The following RFX7 variants were observed in gnomAD, a reference collection of about 807,000 sequenced individuals.
RFX7 encodes the protein regulatory factor X7.
RFX7 carries 26 observed loss-of-function variants against 111.8 expected under a neutral mutation model. The observed-to-expected ratio is 0.23, with a 90% CI of 0.17 to 0.32. The LOEUF is 0.32. RFX7 is among the 10% of genes least tolerant of loss of function. The pLI is 1.00. For missense variants in RFX7, 1,573 were observed against 1,772.9 expected (o/e 0.89, Z 2.02); for synonymous variants, 624 against 624.4 (o/e 1.00, Z 0.01).
chr15:56,093,425 C>G lies in RFX7; in HGVS notation c.4303G>C (p.Glu1435Gln). The G allele has an allele frequency of 6.2e-7, 1 of 1,613,706 alleles. No homozygotes were observed. The highest frequency in any genetic ancestry group is 8.5e-7 in the Non-Finnish European group (1 of 1,179,732). ...NDPLFQQICS[E>Q]SMNSMTSSGF... ...GATGAAGTCATAGAATTCATGGATT[C>G]ACTGCAAATTTGTTGAAATAATGGG... is the stretch of plus-strand genomic sequence containing the variant. The change falls in exon 10 of 10, where the codon GAA (glutamate) becomes CAA (glutamine). Residue 1435 changes from glutamate (E) to glutamine (Q), a missense_variant. Coordinates refer to ENST00000559447, the MANE Select transcript of RFX7 (RefSeq NM_022841.7).
intron 2 of RFX7, among the ~76,000 whole-genome samples, chr15:56,213,466 C>T (rs1357125422): frequency 6.6e-6 from 1 of 152,154 alleles, no homozygotes; most frequent in Non-Finnish European, 1.5e-5. Context: ...ATCTACATAA[C>T]ATTCTTGAAG....
At chr15:56,193,748 A>C (rs1347793897) in intron 2 of RFX7, among the ~76,000 whole-genome samples, 1 of 152,218 alleles carries the variant, frequency 6.6e-6, no homozygotes, top group Non-Finnish European at 1.5e-5. Flanking sequence ...GCAATAAAGC[A>C]GATAAAAATT....
At chr15:56,134,794 G>A (rs867419535) in intron 5 of RFX7, among the ~76,000 whole-genome samples, 9 of 151,862 alleles carry the variant, frequency 5.9e-5, no homozygotes, top group Admixed American at 1.3e-4. Context: ...TCCCCAGAGC[G>A]TTATATTCCC....
At chr15:56,139,468 A>G (rs2042356544) in intron 5 of RFX7, among the ~76,000 whole-genome samples, 1 of 152,120 alleles carries the variant, frequency 6.6e-6, no homozygotes, top group Non-Finnish European at 1.5e-5. Flanking sequence ...CAGCTCCATC[A>G]GCTCCTTTAA....
At chr15:56,203,863 C>T (rs533328140) in intron 2 of RFX7, among the ~76,000 whole-genome samples, 17 of 152,132 alleles carry the variant, frequency 1.1e-4, no homozygotes, top group African/African-American at 4.1e-4. Context: ...GTCCTCAGGG[C>T]GTCTCTGTCT....
At chr15:56,126,963 A>G (rs1237190805) in intron 5 of RFX7, among the ~76,000 whole-genome samples, 2 of 152,222 alleles carry the variant, frequency 1.3e-5, no homozygotes, top group African/African-American at 2.4e-5. Flanking sequence ...CAGATGATCA[A>G]TAAGGACACA....
rs1449452125 is a variant in RFX7 at position 56,094,205 on chromosome 15, G to A, written c.3523C>T (p.Arg1175Cys). Residue 1175 changes from arginine to cysteine, a missense_variant, in exon 10 of 10, where the codon CGT becomes TGT. This residue lies in a region of RFX7 where 411 missense variants were observed against 478.1 expected (regional missense o/e 0.86). Transcript: ENST00000559447. ...RSVSPAVHRQRNLSGSTLYPV... is the reference protein window; with the variant it reads ...RSVSPAVHRQCNLSGSTLYPV... ...TAGAGGGTGCTTCCACTAAGATTACGTTGGCGATGAACAGCAGGGCTCACA... is the reference window on the plus strand; with the variant it reads ...TAGAGGGTGCTTCCACTAAGATTACATTGGCGATGAACAGCAGGGCTCACA... The A allele has an allele frequency of 5.6e-6, 9 of 1,613,926 alleles. No individual in the cohort carries two copies. Among genetic ancestry groups the A allele is most frequent in the East Asian group, 2.2e-5 (1 of 44,876 alleles).
chr15:56,149,130 C>G (rs1392325028), intron 3 of RFX7, among the ~76,000 whole-genome samples: 1 of 152,108 alleles, frequency 6.6e-6, no homozygotes, highest in Non-Finnish European at 1.5e-5. Flanking sequence ...CCCATTTCCC[C>G]CTCTGTGGCA....
chr15:56,162,597 T>G (rs978440229), intron 3 of RFX7, among the ~76,000 whole-genome samples: 14 of 151,848 alleles, frequency 9.2e-5, no homozygotes, highest in African/African-American at 1.5e-4. Flanking sequence ...CTTATTTTTT[T>G]GGGGCTCAGT....
intron 3 of RFX7, among the ~76,000 whole-genome samples, chr15:56,173,060 C>A: frequency 6.6e-6 from 1 of 152,028 alleles, no homozygotes; most frequent in South Asian, 2.1e-4. Flanking sequence ...CAGAAAGAAG[C>A]AACTTAAGCA....
intron 5 of RFX7, among the ~76,000 whole-genome samples, chr15:56,141,827 T>C (rs1305812223): frequency 6.6e-6 from 1 of 151,490 alleles, no homozygotes; most frequent in East Asian, 1.9e-4. Flanking sequence ...TTTTAACCTT[T>C]GTAAAGAGAA....
chr15:56,221,399 G>C (rs1380712464), intron 2 of RFX7, among the ~76,000 whole-genome samples: 1 of 151,992 alleles, frequency 6.6e-6, no homozygotes, highest in African/African-American at 2.4e-5. Flanking sequence ...CACTTCCCTA[G>C]TAAGCTGTAT....
At chr15:56,135,501 G>A (rs1276600190) in intron 5 of RFX7, among the ~76,000 whole-genome samples, 2 of 151,930 alleles carry the variant, frequency 1.3e-5, no homozygotes, top group Admixed American at 6.6e-5. Flanking sequence ...GTTCATTGTA[G>A]ATTCTGGATA....
At chr15:56,102,003 GTAGGTCA>G (rs1210261777) in intron 7 of RFX7, among the ~76,000 whole-genome samples, 159 bp downstream of exon 7, 3 of 152,004 alleles carry the variant, frequency 2.0e-5, no homozygotes, top group African/African-American at 7.2e-5. Context: ...TCATGTTGAC[GTAGGTCA>G]TATACACTAA....
intron 2 of RFX7, among the ~76,000 whole-genome samples, chr15:56,189,409 A>T (rs563110458): frequency 6.6e-6 from 1 of 152,254 alleles, no homozygotes; most frequent in East Asian, 1.9e-4. Flanking sequence ...GACCCCATCG[A>T]AATAAGAATA....
chr15:56,129,491 A>AGT (rs1210029685), intron 5 of RFX7, among the ~76,000 whole-genome samples: 3 of 152,228 alleles, frequency 2.0e-5, no homozygotes, highest in African/African-American at 7.2e-5. Context: ...TCTTAGGAGA[A>AGT]GTATCATATC....
intron 5 of RFX7, among the ~76,000 whole-genome samples, chr15:56,134,900 T>G (rs2042275965): frequency 1.3e-5 from 2 of 152,248 alleles, no homozygotes; most frequent in South Asian, 4.1e-4. Flanking sequence ...TTACTGAGAA[T>G]GATGTTTTCC....
At chr15:56,209,118 T>A (rs1307638677) in intron 2 of RFX7, among the ~76,000 whole-genome samples, 1 of 151,838 alleles carries the variant, frequency 6.6e-6, no homozygotes, top group Non-Finnish European at 1.5e-5. Flanking sequence ...AAAACTATAC[T>A]TAGGCATATA....
Position 56,092,237 on chromosome 15 carries a change from TAA to T in RFX7, c.*1106_*1107del, listed in dbSNP as rs1290175301. The T allele has an allele frequency of 6.6e-6, 1 of 152,598 alleles. No individual in the cohort carries two copies. Among genetic ancestry groups the T allele is most frequent in the East Asian group, 1.9e-4 (1 of 5,196 alleles). The allele number at this position is 152,598 out of a possible 1,614,324, so 9.5% of individuals were successfully genotyped here. A position where few individuals can be genotyped will look rare whatever the true frequency, so the allele number is the denominator to read the frequency against. Reference sequence around the variant, plus strand: ...TATCCCCTTTGTTTCATCAGAGATATAAAGATTTGTGGCTTCAGACCTTAGGT... The same window carrying T: ...TATCCCCTTTGTTTCATCAGAGATATAGATTTGTGGCTTCAGACCTTAGGT... On this transcript the variant is annotated 3_prime_UTR_variant, in exon 10 of 10. Coordinates refer to ENST00000559447, the MANE Select transcript of RFX7 (RefSeq NM_022841.7).
Sources: allele counts gnomAD v4.1 joint callset (sites outside exome capture counted in the v4.1 genomes callset), GRCh38; gene constraint gnomAD v4.1.1; regional missense constraint gnomAD v4.1.1; transcripts MANE v1.5; gene names NCBI Gene and HGNC (gene_info 2026-07-23, HGNC 2026-07-21).